Variants in TNNI2 observed in about 807,000 individuals in gnomAD.
TNNI2 encodes the protein troponin I2, fast skeletal type.
In TNNI2, 14 loss-of-function variants were observed where a neutral mutation model predicts 26.5. That is an observed-to-expected ratio of 0.53 (90% confidence interval 0.35 to 0.83). The LOEUF is 0.83. Among genes scored for constraint, TNNI2 ranks in the 40% least tolerant of loss-of-function variants. TNNI2 has a pLI of 0.01. For synonymous variants in TNNI2, 126 were observed against 97.6 expected, an observed-to-expected ratio of 1.29 and a Z score of -1.71; for missense variants, 205 against 248.5, an observed-to-expected ratio of 0.82 and a Z score of 1.18.
Position 1,841,173 on chromosome 11 carries a change from A to G in TNNI2, c.419A>G (p.Asn140Ser), listed in dbSNP as rs766689933. Reference protein sequence around the residue: ...KHKVCMDLRANLKQVKKEDTE... With the variant: ...KHKVCMDLRASLKQVKKEDTE... ...AAGGTGTGCATGGACCTGAGGGCCA[A>G]CCTGAAGCAGGTCAAGAAGGAGGAC... Residue 140 changes from asparagine to serine, a missense_variant, in exon 7 of 8, where the codon AAC becomes AGC. Physicochemically the swap from Asn to Ser is conservative, Grantham distance 46. Coordinates refer to ENST00000381911, the MANE Select transcript of TNNI2 (RefSeq NM_003282.4). 2.5e-6 allele frequency: 4 copies of G among 1,613,160 alleles called. No individual in the cohort carries two copies. Among genetic ancestry groups the G allele is most frequent in the Admixed American group, 1.7e-5 (1 of 60,026 alleles).
rs1735603441 is a variant in TNNI2 at position 1,840,843 on chromosome 11, A to C, written c.211A>C (p.Lys71Gln). 6.2e-7 allele frequency: 1 copy of C among 1,612,768 alleles called. No individual in the cohort carries two copies. The highest frequency in any genetic ancestry group is 1.3e-5 in the African/African-American group (1 of 74,890). The change falls in exon 6 of 8, where the codon AAG becomes CAG. Residue 71 changes from lysine (K) to glutamine (Q), a missense_variant. Physicochemically the swap from Lys to Gln is moderately conservative, Grantham distance 53 (BLOSUM62 1). Transcript: ENST00000381911. Reference sequence around the variant, plus strand: ...GGAGCTCTGCAAACAGCTGCACGCCAAGATCGATGCGGCTGAAGAGGAGAA... The same window carrying C: ...GGAGCTCTGCAAACAGCTGCACGCCCAGATCGATGCGGCTGAAGAGGAGAA... The part of the protein sequence containing the change: ...VQELCKQLHA[K>Q]IDAAEEEKYD...
rs1847114247 is a variant in TNNI2, at chr11:1,839,422, C to T, written c.-22-253C>T. 6 of 508,748 alleles carry T rather than the reference C, an allele frequency of 1.2e-5. No homozygotes were observed. The Admixed American group carries it at 1.9e-4, about 16-fold the overall frequency. 31.5% of individuals were successfully genotyped at this position (508,748 alleles called of 1,614,324 possible). On this transcript the variant is annotated intron_variant, in intron 1 of 7. Coordinates refer to ENST00000381911, the MANE Select transcript of TNNI2 (RefSeq NM_003282.4). ...CCTGCGCTGGCCCATCCCACCCTCCCTCGGGGACAGCTGCAGCTCCTCAGG... is the reference window on the plus strand; with the variant it reads ...CCTGCGCTGGCCCATCCCACCCTCCTTCGGGGACAGCTGCAGCTCCTCAGG...
chr11:1,839,572 G>C, intron 1 of TNNI2, 103 bp from the exon 2 acceptor site: 1 of 1,165,344 alleles, frequency 8.6e-7, no homozygotes, highest in South Asian at 1.4e-5. Flanking sequence ...GGGCGGGAGG[G>C]GGCTGTCATC....
chr11:1,839,967 C>T (rs1847126558), intron 3 of TNNI2, 112 bp downstream of exon 3: 1 of 1,510,776 alleles, frequency 6.6e-7, no homozygotes, highest in Non-Finnish European at 9.0e-7. Flanking sequence ...TGGCCTGGCC[C>T]TCCCCGCTGG....
chr11:1,839,284 A>G (rs1276867026), intron 1 of TNNI2, among the ~76,000 whole-genome samples: 9 of 152,144 alleles, frequency 5.9e-5, no homozygotes, highest in Admixed American at 5.9e-4. Context: ...TTAGGGGTCA[A>G]GAAGCCCCAG....
Position 1,840,399 on chromosome 11 carries a change from G to A in TNNI2, c.16-4G>A. 3 of 1,609,196 alleles carry A rather than the reference G, an allele frequency of 1.9e-6. No individual in the cohort carries two copies. Among genetic ancestry groups the A allele is most frequent in the South Asian group, 1.1e-5 (1 of 90,610 alleles). On this transcript the variant is annotated splice_polypyrimidine_tract_variant and splice_region_variant and intron_variant, in intron 3 of 7. Transcript: ENST00000381911. The stretch of plus-strand genomic sequence containing the variant: ...GACTCGACCCCCTGTCCCCTGCCCT[G>A]CAGAAGCGGAACAGGGCCATCACGG...
rs567570566 is a variant in TNNI2, at chr11:1,839,360, G to C, written c.-22-315G>C. ...ATGCACTTAGGCCCAAAGCCAAAGA[G>C]AGAGGGTTAAAAATAACAGCGTCAC... is the stretch of plus-strand genomic sequence containing the variant. On this transcript the variant is annotated intron_variant, in intron 1 of 7. Transcript: ENST00000381911. 6 of 444,256 alleles carry C rather than the reference G, an allele frequency of 1.4e-5. No individual in the cohort carries two copies. In the South Asian group the frequency reaches 1.4e-4, roughly 11 times the overall value. 27.5% of individuals were successfully genotyped at this position (444,256 alleles called of 1,614,324 possible).
At chr11:1,839,748 T>A in intron 2 of TNNI2, 44 bp downstream of exon 2, 1 of 1,613,520 alleles carries the variant, frequency 6.2e-7, no homozygotes, top group Non-Finnish European at 8.5e-7. Flanking sequence ...CCTGCCCACC[T>A]CCTGCCCTGT....
At chr11:1,839,481 TCTTA>T (rs1463048802) in intron 1 of TNNI2, 190 bp from the exon 2 acceptor site, 4 of 470,296 alleles carry the variant, frequency 8.5e-6, no homozygotes, top group African/African-American at 6.1e-5. Flanking sequence ...CACTTTCTCC[TCTTA>T]CTTCTCACCC....
rs1376614508 is a variant in TNNI2, at chr11:1,841,054, A to G, written c.300A>G (p.Leu100=). ...AGCTGGAGGACATGAACCAGAAGCT[A>G]TTTGATCTGCGGGGCAAGTTCAAGC... ...SKELEDMNQK[L]FDLRGKFKRP... Residue 100 remains leucine, a synonymous_variant, in exon 7 of 8, where the codon CTA becomes CTG. Coordinates refer to ENST00000381911, the MANE Select transcript of TNNI2 (RefSeq NM_003282.4). 7 of 1,613,048 alleles carry G rather than the reference A, an allele frequency of 4.3e-6. No homozygotes were observed. In the South Asian group the frequency reaches 6.6e-5, roughly 15 times the overall value.
At position 1,839,727 on chromosome 11, in the gene TNNI2, C is replaced by T. The variant is rs767144278; in HGVS notation, c.8+23C>T. The T allele has an allele frequency of 1.9e-6, 3 of 1,613,734 alleles. No individual in the cohort carries two copies. In the East Asian group the frequency reaches 6.7e-5, roughly 36 times the overall value. On this transcript the variant is annotated intron_variant, in intron 2 of 7. Transcript: ENST00000381911. ...AGAGTAAGTGGTACCCCTGTACCCC[C>T]ATACAGTGACCCTGCCCACCTCCTG...
Position 1,841,018 on chromosome 11 carries a change from C to T in TNNI2, c.277-13C>T. On this transcript the variant is annotated splice_polypyrimidine_tract_variant and intron_variant, in intron 6 of 7. Transcript: ENST00000381911. ...CGGGACCTCGGGCTCCCACCCGGCT[C>T]CCCTGCCCACAGCTGGAGGACATGA... is the stretch of plus-strand genomic sequence containing the variant. The T allele has an allele frequency of 1.2e-6, 2 of 1,611,798 alleles. No homozygotes were observed. Among genetic ancestry groups the T allele is most frequent in the Non-Finnish European group, 1.7e-6 (2 of 1,179,352 alleles).
In TNNI2 at chr11:1,840,460, CG is replaced by C. The variant is rs760248562; in HGVS notation, c.57+23del. The C allele has an allele frequency of 5.7e-5, 91 of 1,610,260 alleles. No homozygotes were observed. Among genetic ancestry groups the C allele is most frequent in the Non-Finnish European group, 6.9e-5 (81 of 1,179,422 alleles). Reference sequence around the variant, plus strand: ...GCACCTGAAGGTAGGTGTGGGCTCCCGGGGGGGTGGCCCAGGTGGGTCTGCA... The same window carrying C: ...GCACCTGAAGGTAGGTGTGGGCTCCCGGGGGGTGGCCCAGGTGGGTCTGCA... On this transcript the variant is annotated intron_variant, in intron 4 of 7. Transcript: ENST00000381911.
At chr11:1,839,622 G>A (rs1847119117) in intron 1 of TNNI2, 53 bp from the exon 2 acceptor site, 1 of 1,604,598 alleles carries the variant, frequency 6.2e-7, no homozygotes, top group Non-Finnish European at 8.5e-7. Context: ...GATGGGCACA[G>A]GCATCACGGT....
chr11:1,841,220 G>T lies in TNNI2; in HGVS notation c.453+13G>T, dbSNP rs748667336. 2.2e-5 allele frequency: 35 copies of T among 1,609,374 alleles called. 1 individual carries two copies. Among genetic ancestry groups the T allele is most frequent in the South Asian group, 1.5e-4 (14 of 91,006 alleles). On this transcript the variant is annotated intron_variant, in intron 7 of 7. Coordinates refer to ENST00000381911, the MANE Select transcript of TNNI2 (RefSeq NM_003282.4). ...GGACACAGAGAAGGTGCGTGCCACG[G>T]GGGGAGCACCACCACACCTACCCTG...
chr11:1,840,828 A>G lies in TNNI2; in HGVS notation c.196A>G (p.Lys66Glu). The G allele has an allele frequency of 6.2e-7, 1 of 1,612,508 alleles. No homozygotes were observed. The highest frequency in any genetic ancestry group is 1.1e-5 in the South Asian group (1 of 90,944). ...GSMSEVQELC[K>E]QLHAKIDAAE... ...CCACACCCACCCCTAGGAGCTCTGC[A>G]AACAGCTGCACGCCAAGATCGATGC... The change falls in exon 6 of 8, where the codon AAA becomes GAA. Residue 66 changes from lysine (K) to glutamate (E), a missense_variant. Lys to Glu is a moderately conservative substitution (Grantham distance 56). Coordinates refer to ENST00000381911, the MANE Select transcript of TNNI2 (RefSeq NM_003282.4).
chr11:1,840,991 A>G, intron 6 of TNNI2, 40 bp from the exon 7 acceptor site: 2 of 1,599,966 alleles, frequency 1.3e-6, no homozygotes, highest in Non-Finnish European at 1.7e-6. Flanking sequence ...GGCCGAGACC[A>G]CCGGGACCTC....
Position 1,839,857 on chromosome 11 carries a change from T to A in TNNI2, c.15+2T>A. 6.2e-7 allele frequency: 1 copy of A among 1,613,418 alleles called. No individual in the cohort carries two copies. Among genetic ancestry groups the A allele is most frequent in the Non-Finnish European group, 8.5e-7 (1 of 1,179,742 alleles). On this transcript the variant is annotated splice_donor_variant, in intron 3 of 7. Coordinates refer to ENST00000381911, the MANE Select transcript of TNNI2 (RefSeq NM_003282.4). LOFTEE classifies it high-confidence loss of function. ...CCTCCCTCCCTGGACAGTGAGGAGG[T>A]AAGTAGTTGCTGGGGGCTCAAAACA...
At chr11:1,840,992 C>T in intron 6 of TNNI2, 39 bp from the exon 7 acceptor site, 1 of 1,600,594 alleles carries the variant, frequency 6.2e-7, no homozygotes, top group Non-Finnish European at 8.5e-7. Context: ...GCCGAGACCA[C>T]CGGGACCTCG....
Sources: allele counts gnomAD v4.1 joint callset (sites outside exome capture counted in the v4.1 genomes callset), GRCh38; gene constraint gnomAD v4.1.1; transcripts MANE v1.5; gene names NCBI Gene and HGNC (gene_info 2026-07-23, HGNC 2026-07-21).